The following CSMD2 variants were observed in gnomAD, a reference collection of about 807,000 sequenced individuals.
CSMD2 encodes the protein CUB and Sushi multiple domains 2.
A neutral mutation model predicts 398.5 loss-of-function variants in CSMD2; 130 were observed. The observed-to-expected ratio is 0.33, with a 90% CI of 0.28 to 0.38. The LOEUF (loss-of-function observed/expected upper bound fraction) is 0.38. CSMD2 is among the 10% of genes least tolerant of loss of function. CSMD2 has a pLI of 1.00. For synonymous variants in CSMD2, 1,828 were observed against 1,908.5 expected (o/e 0.96, Z 1.10); for missense variants, 3,829 against 4,764.9 (o/e 0.80, Z 5.78).
chr1:33,557,414 C>T (rs561263478), intron 55 of CSMD2, among the ~76,000 whole-genome samples: 8 of 152,106 alleles, frequency 5.3e-5, no homozygotes, highest in Admixed American at 3.3e-4. Context: ...GATGATGTCC[C>T]GCGAGGCAGC....
At chr1:34,104,676 C>G (rs1229923158) in intron 1 of CSMD2, among the ~76,000 whole-genome samples, 1 of 152,204 alleles carries the variant, frequency 6.6e-6, no homozygotes, top group Non-Finnish European at 1.5e-5. Flanking sequence ...CACGGAGCAC[C>G]AGCTGGACAC....
intron 5 of CSMD2, among the ~76,000 whole-genome samples, chr1:33,859,929 C>T (rs1272342579): frequency 6.6e-6 from 1 of 152,082 alleles, no homozygotes; most frequent in Non-Finnish European, 1.5e-5. Flanking sequence ...ACCCTGGCTG[C>T]ACATTGCTAT....
intron 1 of CSMD2, among the ~76,000 whole-genome samples, chr1:34,150,780 G>T (rs1640240206): frequency 1.3e-5 from 2 of 152,050 alleles, no homozygotes; most frequent in Admixed American, 1.3e-4. Context: ...AATAGCCAAG[G>T]GTGGTGGCAT....
intron 2 of CSMD2, among the ~76,000 whole-genome samples, chr1:34,057,985 G>A (rs12035589): frequency 0.11 from 16,675 of 152,168 alleles, 1,424 homozygotes; most frequent in East Asian, 0.34. Flanking sequence ...TGGCAGGCTT[G>A]GCTTCTCCTG....
intron 3 of CSMD2, among the ~76,000 whole-genome samples, chr1:34,001,606 T>G (rs759806109): frequency 3.2e-4 from 49 of 152,204 alleles, no homozygotes; most frequent in Non-Finnish European, 2.6e-4. Context: ...CCATGAACCT[T>G]TCTTGTAAGA....
intron 4 of CSMD2, among the ~76,000 whole-genome samples, chr1:33,919,244 A>T (rs1006939782): frequency 2.0e-4 from 31 of 152,154 alleles, no homozygotes; most frequent in Admixed American, 6.5e-5. Context: ...AAGCATCTGG[A>T]TGGATGAAAG....
chr1:33,563,744 G>C (rs533897020), intron 53 of CSMD2, among the ~76,000 whole-genome samples: 6 of 152,174 alleles, frequency 3.9e-5, no homozygotes, highest in Non-Finnish European at 8.8e-5. Context: ...AACGTAGGTA[G>C]GGGCGATGGA....
intron 2 of CSMD2, among the ~76,000 whole-genome samples, chr1:34,058,948 G>C (rs950768910): frequency 2.0e-5 from 3 of 152,108 alleles, no homozygotes; most frequent in Admixed American, 6.5e-5. Flanking sequence ...TTTAGGACCT[G>C]CTGCTTCTTA....
chr1:33,650,488 T>A (rs1196515577), intron 28 of CSMD2, among the ~76,000 whole-genome samples: 1 of 148,806 alleles, frequency 6.7e-6, no homozygotes, highest in Admixed American at 6.7e-5. Flanking sequence ...CATGAAAGAA[T>A]CCGTGAGGCC....
At chr1:33,808,065 G>A (rs1439163409) in intron 10 of CSMD2, among the ~76,000 whole-genome samples, 1 of 152,046 alleles carries the variant, frequency 6.6e-6, no homozygotes, top group Non-Finnish European at 1.5e-5. Context: ...AATTTACCAG[G>A]AAGATATATA....
chr1:34,119,204 A>G (rs780982140), intron 1 of CSMD2, among the ~76,000 whole-genome samples: 19 of 152,216 alleles, frequency 1.2e-4, no homozygotes, highest in Non-Finnish European at 2.8e-4. Flanking sequence ...TTGTTGGGAA[A>G]ACTGGATATC....
At chr1:33,994,865 A>C (rs1310570965) in intron 3 of CSMD2, among the ~76,000 whole-genome samples, 1 of 152,122 alleles carries the variant, frequency 6.6e-6, no homozygotes, top group Non-Finnish European at 1.5e-5. Context: ...GGAGATCGAT[A>C]CCAGCCTGGC....
intron 51 of CSMD2, 73 bp from the exon 52 acceptor site, chr1:33,569,620 C>A: frequency 1.4e-6 from 2 of 1,475,340 alleles, no homozygotes; most frequent in Non-Finnish European, 1.9e-6. Flanking sequence ...TTAGCAAGAA[C>A]TGTGACAAAA....
chr1:33,676,262 C>G (rs561861178), intron 25 of CSMD2, among the ~76,000 whole-genome samples: 5 of 152,312 alleles, frequency 3.3e-5, no homozygotes, highest in South Asian at 2.1e-4. Flanking sequence ...TCAGCAAAGT[C>G]TCAGGATACA....
chr1:33,637,118 G>A, intron 29 of CSMD2, among the ~76,000 whole-genome samples: 1 of 152,184 alleles, frequency 6.6e-6, no homozygotes, highest in Middle Eastern at 3.2e-3. Flanking sequence ...GGGGAGTAGA[G>A]CTGGCATCTG....
intron 5 of CSMD2, chr1:33,864,710 A>G: frequency 6.2e-7 from 1 of 1,613,254 alleles, no homozygotes; most frequent in East Asian, 2.2e-5. Context: ...ACCGAATGTC[A>G]GCTAGAAACC....
At chr1:33,751,380 C>T (rs1648214697) in intron 13 of CSMD2, among the ~76,000 whole-genome samples, 1 of 152,036 alleles carries the variant, frequency 6.6e-6, no homozygotes, top group Non-Finnish European at 1.5e-5. Flanking sequence ...TGCTGAGCGC[C>T]ATGTATCATC....
intron 53 of CSMD2, among the ~76,000 whole-genome samples, chr1:33,564,092 C>G (rs899800829): frequency 6.6e-5 from 10 of 151,490 alleles, no homozygotes; most frequent in African/African-American, 2.0e-4. Context: ...TCATCATCAT[C>G]ATCACACAAC....
At chr1:33,961,529 T>C (rs191350959) in intron 3 of CSMD2, among the ~76,000 whole-genome samples, 6 of 152,254 alleles carry the variant, frequency 3.9e-5, no homozygotes, top group Middle Eastern at 6.8e-3. Context: ...CTTAGCTGTG[T>C]GACTTTGAGA....
Sources: gnomAD v4.1 joint callset for allele counts (sites outside exome capture counted in the v4.1 genomes callset) on GRCh38, gnomAD v4.1.1 for gene constraint, MANE v1.5 for transcripts, NCBI Gene and HGNC (gene_info 2026-07-23, HGNC 2026-07-21) for gene names.